NPHP4: variants seen among roughly 807,000 people sequenced by gnomAD.
NPHP4 encodes the protein nephrocystin 4, also known as nephrocystin-4.
In NPHP4, 151 loss-of-function variants were observed where a neutral mutation model predicts 155.8. The ratio of observed to expected loss-of-function variants is 0.97; its 90% confidence interval spans 0.85 to 1.11. The LOEUF (loss-of-function observed/expected upper bound fraction) is 1.11, where lower values mean the gene tolerates loss of function less well. Ranked by LOEUF, NPHP4 falls within the 50% of genes least tolerant of loss-of-function variation. The pLI is 0.00. For missense variants in NPHP4, 1,956 were observed against 1,925.7 expected, an observed-to-expected ratio of 1.02 and a Z score of -0.29; for synonymous variants, 845 against 816.8, an observed-to-expected ratio of 1.03 and a Z score of -0.59.
chr1:5,956,059 TGG>T (rs35135056), intron 6 of NPHP4, among the ~76,000 whole-genome samples: 3,021 of 105,438 alleles, frequency 0.029, 90 homozygotes, highest in African/African-American at 0.046. Flanking sequence ...TTCAAAAAGC[TGG>T]GGGGGGGGGG....
Position 5,887,465 on chromosome 1 carries a change from T to A in NPHP4, c.2306A>T (p.His769Leu), listed in dbSNP as rs200821373. The A allele has an allele frequency of 7.6e-5, 122 of 1,612,914 alleles. No individual in the cohort carries two copies. The Middle Eastern group carries it at 1.2e-3, about 15-fold the overall frequency. The change falls in exon 18 of 30, where the codon CAT (histidine) becomes CTT (leucine). Residue 769 changes from histidine to leucine, a missense_variant and splice_region_variant. Physicochemically the swap from His to Leu is moderately conservative, Grantham distance 99 (BLOSUM62 -3). Coordinates refer to ENST00000378156, the MANE Select transcript of NPHP4 (RefSeq NM_015102.5). ...LIGSAAVQMK[H>L]LLRQGRPAVQ... Reference sequence around the variant, plus strand: ...AGCCGGCCGGCCTTGGCGGAGGAGATGCTGCAGAAGAGAAAAGCGCGTTCA... The same window carrying A: ...AGCCGGCCGGCCTTGGCGGAGGAGAAGCTGCAGAAGAGAAAAGCGCGTTCA...
chr1:5,983,134 G>A (rs1654977263), intron 2 of NPHP4, among the ~76,000 whole-genome samples: 1 of 152,164 alleles, frequency 6.6e-6, no homozygotes, highest in African/African-American at 2.4e-5. Flanking sequence ...ATCCCTATGA[G>A]TGTTCTGATC....
intron 9 of NPHP4, among the ~76,000 whole-genome samples, chr1:5,935,746 G>C (rs1646504451): frequency 6.6e-6 from 1 of 152,084 alleles, no homozygotes; most frequent in African/African-American, 2.4e-5. Flanking sequence ...ATGGTTGTAG[G>C]CACCTGTAAT....
intron 22 of NPHP4, among the ~76,000 whole-genome samples, chr1:5,874,151 T>C (rs1642302053): frequency 6.6e-6 from 1 of 151,924 alleles, no homozygotes; most frequent in Admixed American, 6.6e-5. Context: ...CAAACAACAT[T>C]AACTGGAAAG....
At chr1:5,883,342 T>C (rs1181976200) in intron 18 of NPHP4, among the ~76,000 whole-genome samples, 1 of 151,482 alleles carries the variant, frequency 6.6e-6, no homozygotes, top group Non-Finnish European at 1.5e-5. Context: ...GCCCTCCACA[T>C]GACGAGGAGA....
At chr1:5,991,425 C>T (rs1656270277) in intron 1 of NPHP4, 1 of 152,280 alleles carries the variant, frequency 6.6e-6, no homozygotes, top group Non-Finnish European at 1.5e-5. Context: ...AATACTCCTC[C>T]TTTTGCCAAC....
intron 23 of NPHP4, among the ~76,000 whole-genome samples, chr1:5,868,948 ACACACACAATGCACACACACATG>A (rs1641636224): frequency 6.9e-6 from 1 of 144,564 alleles, no homozygotes; most frequent in African/African-American, 2.5e-5. Flanking sequence ...CCACATGCAC[ACACACACAATGCACACACACATG>A]CACACACATC....
chr1:5,879,984 T>G, intron 19 of NPHP4, 130 bp downstream of exon 19: 1 of 1,128,990 alleles, frequency 8.9e-7, no homozygotes, highest in Non-Finnish European at 1.3e-6. Flanking sequence ...AGAGGGGCAC[T>G]GACAGCACCA....
intron 19 of NPHP4, among the ~76,000 whole-genome samples, chr1:5,879,845 ACACG>A (rs1643064776): frequency 1.9e-5 from 2 of 107,996 alleles, no homozygotes; most frequent in African/African-American, 6.7e-5. Flanking sequence ...ACACACACAG[ACACG>A]CACACAGACA....
At chr1:5,963,896 C>A (rs1452037296) in intron 5 of NPHP4, among the ~76,000 whole-genome samples, 2 of 152,114 alleles carry the variant, frequency 1.3e-5, no homozygotes, top group African/African-American at 4.8e-5. Context: ...CCATGTTGAC[C>A]AGGCTGGTCT....
intron 23 of NPHP4, among the ~76,000 whole-genome samples, chr1:5,869,092 T>C (rs1462589020): frequency 8.3e-6 from 1 of 120,762 alleles, no homozygotes; most frequent in Admixed American, 8.6e-5. Context: ...CACCCACACA[T>C]GCACACATGC....
At chr1:5,947,299 C>G (rs1647157657) in intron 8 of NPHP4, 69 bp from the exon 9 acceptor site, 24 of 1,571,138 alleles carry the variant, frequency 1.5e-5, no homozygotes, top group Non-Finnish European at 2.0e-5. Flanking sequence ...TCCACGTCGA[C>G]CACTGTCAGA....
chr1:5,887,589 G>T, intron 17 of NPHP4, 123 bp from the exon 18 acceptor site: 2 of 1,026,344 alleles, frequency 1.9e-6, no homozygotes, highest in Non-Finnish European at 2.9e-6. Flanking sequence ...GGGGGTGTGC[G>T]CAGGATAAGA....
intron 1 of NPHP4, 109 bp downstream of exon 1, chr1:5,992,135 C>A (rs955840400): frequency 2.6e-5 from 4 of 152,264 alleles, no homozygotes; most frequent in African/African-American, 9.7e-5. Flanking sequence ...ACCCTACCCC[C>A]GAACCCCGAG....
intron 16 of NPHP4, among the ~76,000 whole-genome samples, chr1:5,897,940 C>A (rs977515147): frequency 3.9e-5 from 6 of 152,188 alleles, no homozygotes; most frequent in African/African-American, 1.4e-4. Context: ...CAAAACATGG[C>A]ACGGTTTCTG....
intron 7 of NPHP4, among the ~76,000 whole-genome samples, chr1:5,949,650 CA>C (rs1054214438): frequency 6.6e-6 from 1 of 151,922 alleles, no homozygotes; most frequent in African/African-American, 2.4e-5. Flanking sequence ...GCAGGACAGT[CA>C]GAGGACCCCG....
chr1:5,943,893 G>A (rs1646950150), intron 9 of NPHP4, among the ~76,000 whole-genome samples: 1 of 152,136 alleles, frequency 6.6e-6, no homozygotes, highest in South Asian at 2.1e-4. Flanking sequence ...TGTCTAGGAT[G>A]CGGTCTCCAA....
At position 5,986,156 on chromosome 1, in the gene NPHP4, T is replaced by C. The variant is rs1557895775; in HGVS notation, c.134A>G (p.Gln45Arg). Residue 45 changes from glutamine (Q) to arginine (R), a missense_variant and splice_region_variant, in exon 2 of 30, where the codon CAG (glutamine) becomes CGG (arginine). Gln to Arg is a conservative substitution (Grantham distance 43). Coordinates refer to ENST00000378156, the MANE Select transcript of NPHP4 (RefSeq NM_015102.5). ...TTTGCTAACAGCACATTTTGTTACC[T>C]GCCTAATTACCGGTCCGTCCAGCCA... ...LKWLDGPVIR[Q>R]GVLEVLSEVE... The C allele has an allele frequency of 3.7e-6, 6 of 1,613,754 alleles. No individual in the cohort carries two copies. The Admixed American group carries it at 5.0e-5, about 13-fold the overall frequency.
chr1:5,883,989 C>T (rs997241841), intron 18 of NPHP4, among the ~76,000 whole-genome samples: 19 of 152,202 alleles, frequency 1.2e-4, no homozygotes, highest in African/African-American at 3.9e-4. Flanking sequence ...GCTTCATGAC[C>T]GTTTCCTCTT....
Sources: gnomAD v4.1 joint callset for allele counts (sites outside exome capture counted in the v4.1 genomes callset) on GRCh38, gnomAD v4.1.1 for gene constraint, MANE v1.5 for transcripts, NCBI Gene and HGNC (gene_info 2026-07-23, HGNC 2026-07-21) for gene names.